The following ADCY9 variants were observed in gnomAD, a reference collection of about 807,000 sequenced individuals.
ADCY9 encodes the protein adenylate cyclase 9, also known as adenylate cyclase type 9.
Under a neutral mutation model 101.5 loss-of-function variants are expected in ADCY9, and 50 were observed. The observed-to-expected ratio is 0.49, with a 90% CI of 0.39 to 0.62. The LOEUF is 0.62. ADCY9 is among the 20% of genes least tolerant of loss of function. The probability of loss-of-function intolerance (pLI) is 0.00; values close to 1 mark genes in which losing one functional copy is unlikely to be tolerated. For missense variants in ADCY9, 1,662 were observed against 1,800.4 expected, an observed-to-expected ratio of 0.92 and a Z score of 1.39; for synonymous variants, 905 against 769.3, an observed-to-expected ratio of 1.18 and a Z score of -2.92.
intron 2 of ADCY9, among the ~76,000 whole-genome samples, chr16:4,034,213 A>G (rs994335572): frequency 6.6e-6 from 1 of 152,116 alleles, no homozygotes; most frequent in African/African-American, 2.4e-5. Flanking sequence ...CAGAGCTCCA[A>G]CTTAGCCAAG....
At chr16:4,048,169 A>C (rs1467475138) in intron 2 of ADCY9, among the ~76,000 whole-genome samples, 1 of 152,194 alleles carries the variant, frequency 6.6e-6, no homozygotes, top group Non-Finnish European at 1.5e-5. Flanking sequence ...AACACCCAAT[A>C]ATTGGAAATT....
At chr16:4,037,949 G>T (rs997118461) in intron 2 of ADCY9, among the ~76,000 whole-genome samples, 4 of 152,120 alleles carry the variant, frequency 2.6e-5, no homozygotes, top group Non-Finnish European at 5.9e-5. Context: ...CAAAATTGAC[G>T]TGTTTAAACT....
intron 2 of ADCY9, among the ~76,000 whole-genome samples, chr16:4,014,638 G>C (rs937748007): frequency 2.0e-5 from 3 of 151,858 alleles, no homozygotes; most frequent in African/African-American, 7.3e-5. Flanking sequence ...AGCAGAGAGG[G>C]GGTTTTGCCA....
At chr16:4,101,471 G>T (rs1439029279) in intron 2 of ADCY9, among the ~76,000 whole-genome samples, 4 of 152,022 alleles carry the variant, frequency 2.6e-5, no homozygotes, top group African/African-American at 9.7e-5. Context: ...TAGAGACAGG[G>T]TCTCACTATG....
chr16:4,011,579 GC>G (rs1397554345), intron 2 of ADCY9, among the ~76,000 whole-genome samples: 2 of 152,220 alleles, frequency 1.3e-5, no homozygotes, highest in African/African-American at 2.4e-5. Context: ...AGCGTGATGG[GC>G]GAGGGCCTGG....
intron 2 of ADCY9, among the ~76,000 whole-genome samples, chr16:4,055,806 C>A (rs2056734022): frequency 6.6e-6 from 1 of 151,258 alleles, no homozygotes; most frequent in Admixed American, 6.6e-5. Context: ...TGCACTCCAG[C>A]GTGGGCGACA....
intron 2 of ADCY9, among the ~76,000 whole-genome samples, chr16:4,065,693 C>G (rs11865421): frequency 6.6e-6 from 1 of 152,196 alleles, no homozygotes; most frequent in African/African-American, 2.4e-5. Context: ...CTCAGCCTCC[C>G]GAACAGCTGG....
chr16:3,995,027 A>T (rs1333199492), intron 3 of ADCY9, among the ~76,000 whole-genome samples: 1 of 152,236 alleles, frequency 6.6e-6, no homozygotes, highest in Non-Finnish European at 1.5e-5. Flanking sequence ...TTTATTTCTC[A>T]TAAACTAGGA....
chr16:4,035,025 C>T (rs1004993134), intron 2 of ADCY9, among the ~76,000 whole-genome samples: 7 of 152,346 alleles, frequency 4.6e-5, no homozygotes, highest in Admixed American at 4.6e-4. Flanking sequence ...TTATGACAAC[C>T]TGCTGTCATT....
At chr16:4,045,759 C>T (rs534140546) in intron 2 of ADCY9, among the ~76,000 whole-genome samples, 27 of 151,686 alleles carry the variant, frequency 1.8e-4, no homozygotes, top group Non-Finnish European at 3.2e-4. Flanking sequence ...AGTACAGTGG[C>T]GCGATCTTGG....
At chr16:4,053,576 A>C (rs532003652) in intron 2 of ADCY9, among the ~76,000 whole-genome samples, 1 of 152,148 alleles carries the variant, frequency 6.6e-6, no homozygotes, top group African/African-American at 2.4e-5. Context: ...GTGTCTATCA[A>C]GAAGGGCAGG....
intron 2 of ADCY9, among the ~76,000 whole-genome samples, chr16:4,014,808 A>T (rs1035822950): frequency 6.7e-6 from 1 of 149,040 alleles, no homozygotes; most frequent in African/African-American, 2.5e-5. Context: ...CCGCTTCCCC[A>T]CCCCTGCTTC....
chr16:4,071,186 C>T (rs1281679049), intron 2 of ADCY9, among the ~76,000 whole-genome samples: 1 of 151,562 alleles, frequency 6.6e-6, no homozygotes, highest in Non-Finnish European at 1.5e-5. Flanking sequence ...AAAAATCAGC[C>T]AGCCATGGTG....
At chr16:3,969,751 A>T (rs1054273112) in intron 10 of ADCY9, among the ~76,000 whole-genome samples, 2 of 150,320 alleles carry the variant, frequency 1.3e-5, no homozygotes, top group Non-Finnish European at 3.0e-5. Context: ...ATTAGCTGGG[A>T]CTACAGGCAC....
intron 2 of ADCY9, among the ~76,000 whole-genome samples, chr16:4,087,510 T>G (rs1293809359): frequency 6.9e-6 from 1 of 144,572 alleles, no homozygotes; most frequent in Non-Finnish European, 1.5e-5. Flanking sequence ...CACTCCAGCC[T>G]GGGCAACAGA....
At chr16:3,967,018 G>T in intron 10 of ADCY9, 52 bp from the exon 11 acceptor site, 1 of 1,460,916 alleles carries the variant, frequency 6.8e-7, no homozygotes, top group Non-Finnish European at 9.4e-7. Context: ...GCGCTTCCAA[G>T]CTCAGAACAG....
intron 2 of ADCY9, among the ~76,000 whole-genome samples, chr16:4,015,227 G>A (rs533736233): frequency 1.3e-5 from 2 of 152,048 alleles, no homozygotes; most frequent in South Asian, 4.2e-4. Context: ...AGGCGTGAGC[G>A]ACCGTGCCTG....
intron 2 of ADCY9, among the ~76,000 whole-genome samples, chr16:4,101,280 G>C (rs1029114712): frequency 2.5e-5 from 2 of 80,928 alleles, no homozygotes; most frequent in African/African-American, 5.1e-5. Flanking sequence ...TTGTTCAGGT[G>C]ATTTTTTTTT....
chr16:4,015,336 C>T (rs972521740), intron 2 of ADCY9, among the ~76,000 whole-genome samples: 11 of 152,046 alleles, frequency 7.2e-5, no homozygotes, highest in African/African-American at 2.2e-4. Context: ...GGAGTCCACA[C>T]ACTTCAGAGA....
Sources: allele counts gnomAD v4.1 joint callset (sites outside exome capture counted in the v4.1 genomes callset), GRCh38; gene constraint gnomAD v4.1.1; transcripts MANE v1.5; gene names NCBI Gene and HGNC (gene_info 2026-07-23, HGNC 2026-07-21).